D2HGDH: variants seen among roughly 807,000 people sequenced by gnomAD.
The protein encoded by D2HGDH is D-2-hydroxyglutarate dehydrogenase, mitochondrial.
In D2HGDH, 31 loss-of-function variants were observed where a neutral mutation model predicts 46.9. That is an observed-to-expected ratio of 0.66 (90% CI 0.50 to 0.89). The LOEUF is 0.89. Ranked by LOEUF, D2HGDH falls within the 40% of genes least tolerant of loss-of-function variation. The pLI is 0.00. For missense variants in D2HGDH, 698 were observed against 720.8 expected (o/e 0.97, Z 0.36); for synonymous variants, 364 against 332.6 (o/e 1.09, Z -1.03).
intron 6 of D2HGDH, among the ~76,000 whole-genome samples, chr2:241,747,423 C>T (rs1176409825): frequency 6.6e-6 from 1 of 151,686 alleles, no homozygotes; most frequent in African/African-American, 2.4e-5. Context: ...TGCTAGGTGT[C>T]TTTGGGTCTG....
intron 9 of D2HGDH, among the ~76,000 whole-genome samples, chr2:241,763,695 G>T (rs931954187): frequency 5.3e-5 from 8 of 152,194 alleles, no homozygotes; most frequent in African/African-American, 1.9e-4. Flanking sequence ...TCTGTGGTCC[G>T]GGGTTGGGTG....
intron 6 of D2HGDH, chr2:241,748,719 G>T: frequency 1.3e-6 from 1 of 782,592 alleles, no homozygotes. Flanking sequence ...CCCCTGGTGG[G>T]GCTCCTCACC....
chr2:241,744,585 A>C, intron 5 of D2HGDH, 124 bp from the exon 6 acceptor site: 1 of 1,201,644 alleles, frequency 8.3e-7, no homozygotes, highest in South Asian at 1.2e-5. Context: ...ACAGGAGGAA[A>C]GTCCATCCTT....
intron 6 of D2HGDH, chr2:241,749,383 C>T (rs1279674927): frequency 3.1e-6 from 4 of 1,271,576 alleles, no homozygotes; most frequent in South Asian, 1.3e-5. Context: ...CATTGCCTCC[C>T]TGTCTCGCCC....
chr2:241,753,209 T>G (rs1697578032), intron 8 of D2HGDH, among the ~76,000 whole-genome samples: 1 of 152,210 alleles, frequency 6.6e-6, no homozygotes, highest in Admixed American at 6.5e-5. Flanking sequence ...TTTCTGCAGA[T>G]AGCAAAACGA....
Position 241,768,268 on chromosome 2 carries a change from T to G in D2HGDH, c.*299T>G. The G allele has an allele frequency of 6.9e-6, 3 of 434,822 alleles. No individual in the cohort carries two copies. The highest frequency in any genetic ancestry group is 1.3e-5 in the Non-Finnish European group (3 of 239,570). The allele number at this position is 434,822 out of a possible 1,614,324, so 26.9% of individuals were successfully genotyped here. ...CACGTGGAAGCGGGGTGGGTCTCAC[T>G]TGCGTGGTGGCCCCTGGCCCCATCT... On this transcript the variant is annotated 3_prime_UTR_variant, in exon 10 of 10. Transcript: ENST00000321264.
intron 8 of D2HGDH, 109 bp from the exon 9 acceptor site, chr2:241,755,740 C>T (rs1216230943): frequency 6.2e-6 from 10 of 1,608,006 alleles, no homozygotes; most frequent in Non-Finnish European, 8.5e-6. Context: ...GGAGCCTCAC[C>T]TGGTGAAGAT....
intron 9 of D2HGDH, among the ~76,000 whole-genome samples, chr2:241,763,625 C>T (rs1023289848): frequency 3.3e-5 from 5 of 152,076 alleles, no homozygotes; most frequent in South Asian, 4.1e-4. Flanking sequence ...ATGGTGACAT[C>T]GTCATTAAGG....
At chr2:241,752,118 G>A (rs1434670087) in intron 8 of D2HGDH, among the ~76,000 whole-genome samples, 3 of 152,186 alleles carry the variant, frequency 2.0e-5, no homozygotes, top group Admixed American at 2.0e-4. Context: ...TGAGCAGTGG[G>A]CGCAGGACTT....
intron 8 of D2HGDH, chr2:241,755,461 A>G (rs763564774): frequency 1.5e-6 from 2 of 1,316,658 alleles, no homozygotes; most frequent in South Asian, 2.5e-5. Flanking sequence ...GTGCCGTGTC[A>G]TGACCTGAAG....
chr2:241,758,898 T>C (rs1446544650), intron 9 of D2HGDH, among the ~76,000 whole-genome samples: 1 of 151,988 alleles, frequency 6.6e-6, no homozygotes, highest in Admixed American at 6.6e-5. Context: ...CCTTGGCCTC[T>C]CAAAGCCAGA....
chr2:241,749,272 G>A (rs1434221774), intron 6 of D2HGDH: 25 of 1,274,498 alleles, frequency 2.0e-5, no homozygotes, highest in Non-Finnish European at 2.6e-5. Context: ...CACAGGCCTT[G>A]AGGTGCTCCT....
In D2HGDH at chr2:241,755,960, C is replaced by G. The variant is rs771150863; in HGVS notation, c.1252C>G (p.Leu418Val). The G allele has an allele frequency of 6.2e-7, 1 of 1,607,960 alleles. No individual in the cohort carries two copies. Residue 418 changes from leucine to valine, a missense_variant, in exon 9 of 10, where the codon CTG becomes GTG. By Grantham distance (32) the Leu-to-Val change is conservative. Transcript: ENST00000321264. ...VERLYDIVTD[L>V]RARLGPHAKH... The stretch of plus-strand genomic sequence containing the variant: ...GCGGCTCTACGACATCGTGACTGAC[C>G]TGCGCGCCCGCCTCGGCCCGCACGC...
intron 2 of D2HGDH, among the ~76,000 whole-genome samples, chr2:241,737,820 C>A (rs1693351870): frequency 6.6e-6 from 1 of 152,184 alleles, no homozygotes; most frequent in Non-Finnish European, 1.5e-5. Flanking sequence ...TCTTAATTTA[C>A]AACAAAATGA....
At chr2:241,756,462 C>T (rs1463460358) in intron 9 of D2HGDH, among the ~76,000 whole-genome samples, 1 of 152,246 alleles carries the variant, frequency 6.6e-6, no homozygotes, top group Admixed American at 6.5e-5. Context: ...CTTTTTTCTG[C>T]AGAAAAATCA....
In D2HGDH at chr2:241,743,707, A is replaced by G. The variant is rs780763995; in HGVS notation, c.576A>G (p.Leu192=). The change falls in exon 5 of 10, where the codon TTA becomes TTG. Residue 192 remains leucine (L), a synonymous_variant. Transcript: ENST00000321264. This position sits in a 1 kb window ranked among gnomAD's most constrained non-coding sequence, Gnocchi z 4.8. ...GGGACTTCATCATGCCGCTGGACTT[A>G]GGAGCCAAGGGCAGCTGCCACATCG... ...EERDFIMPLD[L]GAKGSCHIGG... is the part of the protein sequence containing the mutation. The G allele has an allele frequency of 6.2e-7, 1 of 1,613,890 alleles. No individual in the cohort carries two copies. Among genetic ancestry groups the G allele is most frequent in the Non-Finnish European group, 8.5e-7 (1 of 1,179,946 alleles).
At chr2:241,762,506 G>A (rs1458501539) in intron 9 of D2HGDH, among the ~76,000 whole-genome samples, 1 of 152,174 alleles carries the variant, frequency 6.6e-6, no homozygotes. Context: ...TACCTGCCTG[G>A]CACTTCTTGG....
At chr2:241,744,590 A>G in intron 5 of D2HGDH, 119 bp from the exon 6 acceptor site, 1 of 1,257,834 alleles carries the variant, frequency 8.0e-7, no homozygotes, top group Non-Finnish European at 1.2e-6. Context: ...AGGAAAGTCC[A>G]TCCTTCAGCC....
intron 8 of D2HGDH, among the ~76,000 whole-genome samples, chr2:241,753,289 T>G (rs1697592837): frequency 1.3e-5 from 2 of 152,180 alleles, no homozygotes; most frequent in Non-Finnish European, 2.9e-5. Flanking sequence ...TCTGAGGCTT[T>G]TCTGTGCTGT....
Sources: allele counts gnomAD v4.1 joint callset (sites outside exome capture counted in the v4.1 genomes callset), GRCh38; gene constraint gnomAD v4.1.1; non-coding constraint Gnocchi (gnomAD v3.1); transcripts MANE v1.5; gene names NCBI Gene and HGNC (gene_info 2026-07-23, HGNC 2026-07-21).